LRMDA: variants seen among roughly 807,000 people sequenced by gnomAD.
LRMDA encodes the protein leucine rich melanocyte differentiation associated, also known as leucine-rich melanocyte differentiation-associated protein.
In LRMDA, 18 loss-of-function variants were observed where a neutral mutation model predicts 29.8. That is an observed-to-expected ratio of 0.60 (90% confidence interval 0.42 to 0.90). The LOEUF (loss-of-function observed/expected upper bound fraction) is 0.90, where lower values mean the gene tolerates loss of function less well. LRMDA is among the 40% of genes least tolerant of loss of function. The probability of loss-of-function intolerance (pLI) is 0.00; values close to 1 mark genes in which losing one functional copy is unlikely to be tolerated. For synonymous variants in LRMDA, 125 were observed against 109.4 expected (o/e 1.14, Z -0.89); for missense variants, 273 against 273.9 (o/e 1.00, Z 0.02).
intron 2 of LRMDA, among the ~76,000 whole-genome samples, chr10:75,569,142 C>T (rs193007572): frequency 1.3e-5 from 2 of 152,290 alleles, no homozygotes; most frequent in Admixed American, 6.5e-5. Flanking sequence ...ACTCCTGGGA[C>T]TCTTTCTTTT....
At chr10:76,163,411 A>G (rs971028616) in intron 5 of LRMDA, among the ~76,000 whole-genome samples, 1 of 152,160 alleles carries the variant, frequency 6.6e-6, no homozygotes, top group Non-Finnish European at 1.5e-5. Flanking sequence ...AGTCACATTC[A>G]ATTCTAAATG....
intron 5 of LRMDA, among the ~76,000 whole-genome samples, chr10:76,165,364 T>C (rs10762700): frequency 0.45 from 68,898 of 151,868 alleles, 17,127 homozygotes; most frequent in East Asian, 0.92. Context: ...CCTCTGCCTT[T>C]GGGTTCAAGC....
At chr10:76,422,601 T>C (rs555104763) in intron 6 of LRMDA, among the ~76,000 whole-genome samples, 1 of 152,310 alleles carries the variant, frequency 6.6e-6, no homozygotes, top group South Asian at 2.1e-4. Flanking sequence ...TGTCTCATTC[T>C]AGGGTCAGTT....
chr10:76,054,928 G>A (rs1848585330), intron 4 of LRMDA, among the ~76,000 whole-genome samples: 1 of 151,642 alleles, frequency 6.6e-6, no homozygotes, highest in African/African-American at 2.4e-5. Context: ...GCCAGGAGTA[G>A]TGGCACACAC....
intron 3 of LRMDA, among the ~76,000 whole-genome samples, chr10:76,042,731 G>A (rs913133756): frequency 1.8e-4 from 28 of 152,160 alleles, no homozygotes; most frequent in African/African-American, 5.3e-4. Flanking sequence ...GTGAAATTTT[G>A]TAATTTTTTT....
At chr10:76,337,062 A>C (rs1840978656) in intron 6 of LRMDA, among the ~76,000 whole-genome samples, 1 of 152,164 alleles carries the variant, frequency 6.6e-6, no homozygotes, top group African/African-American at 2.4e-5. Flanking sequence ...GAATGTTGGC[A>C]TGTCTGCATG....
At chr10:76,281,823 A>G (rs568823058) in intron 5 of LRMDA, among the ~76,000 whole-genome samples, 2 of 152,238 alleles carry the variant, frequency 1.3e-5, no homozygotes, top group Admixed American at 6.5e-5. Context: ...TTTTGTGTGT[A>G]GGAAGGTGGG....
At chr10:75,987,084 G>C (rs1233546518) in intron 2 of LRMDA, among the ~76,000 whole-genome samples, 1 of 151,894 alleles carries the variant, frequency 6.6e-6, no homozygotes, top group Non-Finnish European at 1.5e-5. Context: ...TTTTTTAAGA[G>C]AGCAGCCCTC....
At chr10:75,551,588 G>A (rs1489014945) in intron 2 of LRMDA, among the ~76,000 whole-genome samples, 4 of 152,018 alleles carry the variant, frequency 2.6e-5, no homozygotes, top group Non-Finnish European at 5.9e-5. Flanking sequence ...GTGGTGTTTG[G>A]TTTTCTGTTC....
intron 2 of LRMDA, among the ~76,000 whole-genome samples, chr10:75,464,649 A>G (rs1844628583): frequency 6.6e-6 from 1 of 152,208 alleles, no homozygotes; most frequent in South Asian, 2.1e-4. Flanking sequence ...AGTCTTTGGT[A>G]AACATATTTG....
At chr10:75,892,084 A>G (rs545716262) in intron 2 of LRMDA, among the ~76,000 whole-genome samples, 1 of 152,256 alleles carries the variant, frequency 6.6e-6, no homozygotes, top group South Asian at 2.1e-4. Context: ...GTGATGATCA[A>G]TGGGTTTTGG....
intron 2 of LRMDA, chr10:75,451,624 G>A (rs1844462895): frequency 6.6e-6 from 1 of 152,220 alleles, no homozygotes. Flanking sequence ...GGGAAGTGGA[G>A]GGGAGAAAAA....
intron 5 of LRMDA, among the ~76,000 whole-genome samples, chr10:76,246,354 C>G (rs1438208453): frequency 2.0e-5 from 3 of 152,178 alleles, no homozygotes; most frequent in African/African-American, 7.2e-5. Context: ...AGGTTCTTAC[C>G]ACCTCATGGT....
chr10:75,983,799 C>G (rs1847215218), intron 2 of LRMDA, among the ~76,000 whole-genome samples: 1 of 152,156 alleles, frequency 6.6e-6, no homozygotes, highest in Non-Finnish European at 1.5e-5. Flanking sequence ...GGATTACAGG[C>G]ATCCACCACC....
At chr10:76,518,148 T>C (rs1044117509) in intron 6 of LRMDA, among the ~76,000 whole-genome samples, 22 of 151,922 alleles carry the variant, frequency 1.4e-4, no homozygotes, top group Non-Finnish European at 2.8e-4. Context: ...TTAAAATATA[T>C]GTATGAAAAT....
intron 6 of LRMDA, among the ~76,000 whole-genome samples, chr10:76,487,258 G>A (rs1842791261): frequency 6.6e-6 from 1 of 151,868 alleles, no homozygotes; most frequent in Non-Finnish European, 1.5e-5. Context: ...CTTTTAGATG[G>A]TGATGAACCC....
At chr10:75,874,068 A>T (rs1564593276) in intron 2 of LRMDA, among the ~76,000 whole-genome samples, 1 of 152,108 alleles carries the variant, frequency 6.6e-6, no homozygotes, top group Non-Finnish European at 1.5e-5. Flanking sequence ...TACTTACCAC[A>T]TCCCACCCTC....
intron 6 of LRMDA, among the ~76,000 whole-genome samples, chr10:76,486,525 C>T (rs1842784110): frequency 6.6e-6 from 1 of 151,918 alleles, no homozygotes; most frequent in Non-Finnish European, 1.5e-5. Context: ...CTAGCTGTCT[C>T]TTAGGTTTTT....
intron 2 of LRMDA, among the ~76,000 whole-genome samples, chr10:75,697,874 G>A (rs933609984): frequency 6.5e-5 from 8 of 122,268 alleles, no homozygotes; most frequent in South Asian, 4.9e-4. Context: ...TGTCTCATTC[G>A]CGCTCTAGAA....
Sources: allele counts gnomAD v4.1 joint callset (sites outside exome capture counted in the v4.1 genomes callset), GRCh38; gene constraint gnomAD v4.1.1; transcripts MANE v1.5; gene names NCBI Gene and HGNC (gene_info 2026-07-23, HGNC 2026-07-21).